Variants in ZYG11B observed in about 807,000 individuals in gnomAD.
ZYG11B encodes zyg-11 family member B, cell cycle regulator, also known as protein zyg-11 homolog B.
ZYG11B carries 36 observed loss-of-function variants against 82.4 expected under a neutral mutation model. That is an observed-to-expected ratio of 0.44 (90% CI 0.33 to 0.58). ZYG11B has a LOEUF of 0.58. Among genes scored for constraint, ZYG11B ranks in the 20% least tolerant of loss-of-function variants. ZYG11B has a pLI of 0.02. For missense variants in ZYG11B, 552 were observed against 895.6 expected (o/e 0.62, Z 4.90); for synonymous variants, 303 against 312.8 (o/e 0.97, Z 0.33).
rs1022591468 is a variant in ZYG11B at position 52,775,657 on chromosome 1, C to T, written c.951+3883C>T. Among the ~76,000 whole-genome samples the T allele has an allele frequency of 3.3e-5, 5 of 151,588 alleles. 1 individual carries two copies. Among genetic ancestry groups the T allele is most frequent in the Admixed American group, 2.0e-4 (3 of 15,210 alleles). On this transcript the variant is annotated intron_variant, in intron 3 of 13. Transcript: ENST00000294353. ...AGTGAGCCAGCATTGTGGCACTGCACTCCAGCCTGGGCGATAGAGTGGGTC... is the reference window on the plus strand; with the variant it reads ...AGTGAGCCAGCATTGTGGCACTGCATTCCAGCCTGGGCGATAGAGTGGGTC...
intron 1 of ZYG11B, among the ~76,000 whole-genome samples, chr1:52,747,631 C>G (rs1322221429): frequency 6.6e-6 from 1 of 151,536 alleles, no homozygotes; most frequent in East Asian, 1.9e-4. Flanking sequence ...GCATGTGGTT[C>G]TAGGGATAAA....
chr1:52,802,802 C>T (rs1020982803), intron 10 of ZYG11B, among the ~76,000 whole-genome samples: 44 of 151,472 alleles, frequency 2.9e-4, no homozygotes, highest in African/African-American at 4.8e-5. Context: ...AAATATATCA[C>T]GAGGTCAGGA....
chr1:52,748,035 T>C (rs1211984220), intron 1 of ZYG11B, among the ~76,000 whole-genome samples: 1 of 152,216 alleles, frequency 6.6e-6, no homozygotes, highest in Non-Finnish European at 1.5e-5. Context: ...ATATAAGTGC[T>C]CTACAATTAT....
chr1:52,797,118 A>ATTATATAT (rs1553262083), intron 8 of ZYG11B, among the ~76,000 whole-genome samples: 4 of 69,024 alleles, frequency 5.8e-5, no homozygotes, highest in African/African-American at 5.0e-4. Flanking sequence ...ATATTTATAT[A>ATTATATAT]TTATATATTA....
chr1:52,736,852 G>T (rs188528206), intron 1 of ZYG11B, among the ~76,000 whole-genome samples: 93 of 152,266 alleles, frequency 6.1e-4, no homozygotes, highest in African/African-American at 2.2e-3. Context: ...GCCTCCCAGA[G>T]TGCTGGGATT....
intron 1 of ZYG11B, 88 bp from the exon 2 acceptor site, chr1:52,756,370 T>C (rs1189076367): frequency 2.4e-6 from 3 of 1,266,260 alleles, no homozygotes; most frequent in African/African-American, 3.0e-5. Context: ...ACTTGTGAAA[T>C]GAGTAAATGA....
At chr1:52,821,021 C>T (rs1378994271) in intron 13 of ZYG11B, among the ~76,000 whole-genome samples, 1 of 149,774 alleles carries the variant, frequency 6.7e-6, no homozygotes, top group East Asian at 2.0e-4. Flanking sequence ...ACCCAGGAGG[C>T]GGAGGCTGCA....
At chr1:52,757,273 A>G (rs1644586630) in intron 2 of ZYG11B, among the ~76,000 whole-genome samples, 1 of 151,926 alleles carries the variant, frequency 6.6e-6, no homozygotes, top group Non-Finnish European at 1.5e-5. Context: ...TTGGCCTCCC[A>G]AAGCACTGGG....
intron 8 of ZYG11B, among the ~76,000 whole-genome samples, chr1:52,797,202 TTATA>T (rs1176309572): frequency 7.7e-5 from 6 of 77,972 alleles, no homozygotes; most frequent in African/African-American, 1.1e-4. Flanking sequence ...TATAAATTAT[TTATA>T]TATAATATAT....
At chr1:52,756,436 A>C (rs776504281) in intron 1 of ZYG11B, 22 bp from the exon 2 acceptor site, 1 of 1,592,976 alleles carries the variant, frequency 6.3e-7, no homozygotes, top group African/African-American at 1.4e-5. Context: ...TGTTTCTTTT[A>C]TATTTTTCCC....
chr1:52,783,896 G>GTGTGTGTGTATGTACATACACC (rs1644885695), intron 4 of ZYG11B, among the ~76,000 whole-genome samples: 2 of 95,054 alleles, frequency 2.1e-5, no homozygotes, highest in Admixed American at 9.4e-5. Flanking sequence ...GTACATACAC[G>GTGTGTGTGTATGTACATACACC]TGTGTGTATA....
intron 6 of ZYG11B, among the ~76,000 whole-genome samples, chr1:52,791,507 T>C (rs560354606): frequency 6.6e-6 from 1 of 152,220 alleles, no homozygotes; most frequent in East Asian, 1.9e-4. Flanking sequence ...TAGCTGGGAT[T>C]ACAGGCATGT....
intron 10 of ZYG11B, among the ~76,000 whole-genome samples, chr1:52,807,834 C>T (rs1202743113): frequency 1.3e-5 from 2 of 152,120 alleles, no homozygotes; most frequent in Non-Finnish European, 2.9e-5. Flanking sequence ...ACATTTCTTA[C>T]AGTGTGGATC....
intron 2 of ZYG11B, 55 bp downstream of exon 2, chr1:52,756,678 T>C (rs976531782): frequency 5.2e-6 from 8 of 1,550,590 alleles, no homozygotes; most frequent in Non-Finnish European, 6.2e-6. Flanking sequence ...AGATTTGATT[T>C]TGAAGTGCTA....
chr1:52,807,702 G>A (rs889715901), intron 10 of ZYG11B, among the ~76,000 whole-genome samples: 8 of 151,906 alleles, frequency 5.3e-5, no homozygotes, highest in African/African-American at 1.2e-4. Context: ...TGTTGCCCAG[G>A]CTGGTCTTGA....
At chr1:52,796,570 A>T (rs1309314733) in intron 7 of ZYG11B, among the ~76,000 whole-genome samples, 164 bp from the exon 8 acceptor site, 1 of 151,954 alleles carries the variant, frequency 6.6e-6, no homozygotes, top group African/African-American at 2.4e-5. Flanking sequence ...CCATAATCCC[A>T]GCACTTTGGG....
At chr1:52,791,116 C>T (rs926463203) in intron 6 of ZYG11B, among the ~76,000 whole-genome samples, 1 of 151,838 alleles carries the variant, frequency 6.6e-6, no homozygotes, top group Non-Finnish European at 1.5e-5. Context: ...GGATTACAGG[C>T]ATGTGCCACC....
chr1:52,792,435 G>A (rs925380070), intron 6 of ZYG11B, among the ~76,000 whole-genome samples: 40 of 152,140 alleles, frequency 2.6e-4, no homozygotes, highest in African/African-American at 9.2e-4. Flanking sequence ...GGCAGACATT[G>A]TGCTAAAGTG....
chr1:52,809,833 A>G (rs777550125), intron 10 of ZYG11B, among the ~76,000 whole-genome samples: 2 of 151,964 alleles, frequency 1.3e-5, no homozygotes, highest in African/African-American at 2.4e-5. Flanking sequence ...TATCTATTCA[A>G]TTCCTTTGCC....
Sources: allele counts gnomAD v4.1 joint callset (sites outside exome capture counted in the v4.1 genomes callset), GRCh38; gene constraint gnomAD v4.1.1; transcripts MANE v1.5; gene names NCBI Gene and HGNC (gene_info 2026-07-23, HGNC 2026-07-21).